Variants in EMCN observed in about 807,000 individuals in gnomAD.
The protein encoded by EMCN is endomucin, also known as MUC-14.
A neutral mutation model predicts 38.4 loss-of-function variants in EMCN; 37 were observed. That is an observed-to-expected ratio of 0.96 (90% confidence interval 0.74 to 1.27). EMCN has a LOEUF of 1.27. Ranked by LOEUF, EMCN falls within the 50% of genes most tolerant of loss-of-function variation. The pLI, the probability that EMCN is intolerant of heterozygous loss-of-function variation, is 0.00. For missense variants in EMCN, 318 were observed against 302.8 expected (o/e 1.05, Z -0.37); for synonymous variants, 95 against 100.8 (o/e 0.94, Z 0.35).
chr4:100,453,732 T>C (rs1190832198), intron 4 of EMCN, among the ~76,000 whole-genome samples: 1 of 152,062 alleles, frequency 6.6e-6, no homozygotes, highest in Admixed American at 6.5e-5. Flanking sequence ...CGTATGTTTA[T>C]TGTGGCACTA....
At chr4:100,448,649 A>G (rs1727745112) in intron 4 of EMCN, among the ~76,000 whole-genome samples, 1 of 151,940 alleles carries the variant, frequency 6.6e-6, no homozygotes, top group Admixed American at 6.6e-5. Context: ...GCTTAGGAAA[A>G]TCTTTTTAAA....
intron 7 of EMCN, 84 bp downstream of exon 7, chr4:100,422,937 A>G (rs1379811854): frequency 1.3e-5 from 18 of 1,359,266 alleles, no homozygotes; most frequent in Non-Finnish European, 1.9e-5. Context: ...AAGGCTGCCC[A>G]TAATCTGATT....
chr4:100,503,903 G>A (rs1729411663), intron 1 of EMCN, among the ~76,000 whole-genome samples: 1 of 152,142 alleles, frequency 6.6e-6, no homozygotes, highest in African/African-American at 2.4e-5. Flanking sequence ...GTTAGTGCAA[G>A]ATATCAAGCA....
chr4:100,503,712 A>G (rs575755028), intron 1 of EMCN, among the ~76,000 whole-genome samples: 179 of 152,214 alleles, frequency 1.2e-3, no homozygotes, highest in African/African-American at 4.1e-3. Flanking sequence ...CTGGGGTGGT[A>G]TGTGCTACCA....
At chr4:100,409,777 G>C (rs539189201) in intron 11 of EMCN, among the ~76,000 whole-genome samples, 4 of 152,310 alleles carry the variant, frequency 2.6e-5, no homozygotes, top group African/African-American at 9.6e-5. Context: ...TATAGAGAGA[G>C]GGCAATTAGA....
At chr4:100,514,759 G>C (rs182024357) in intron 1 of EMCN, among the ~76,000 whole-genome samples, 45 of 152,094 alleles carry the variant, frequency 3.0e-4, no homozygotes, top group African/African-American at 1.1e-3. Flanking sequence ...AGAACCTCTT[G>C]ATTTTCAAGC....
chr4:100,502,699 T>G (rs1045158385), intron 1 of EMCN, among the ~76,000 whole-genome samples: 4 of 152,202 alleles, frequency 2.6e-5, no homozygotes, highest in Admixed American at 2.6e-4. Context: ...TTACTATTAT[T>G]CACGATGATT....
intron 3 of EMCN, chr4:100,473,863 G>T: frequency 6.5e-6 from 1 of 153,038 alleles, no homozygotes; most frequent in South Asian, 1.9e-4. Context: ...TATTCTACAC[G>T]ACAAACCATT....
At chr4:100,434,383 CAAAA>C (rs767318585) in intron 5 of EMCN, among the ~76,000 whole-genome samples, 1 of 70,696 alleles carries the variant, frequency 1.4e-5, no homozygotes, top group Admixed American at 1.9e-4. Context: ...GCCTACCAAG[CAAAA>C]AAAAAAAAAA....
chr4:100,511,459 T>C (rs1729622427), intron 1 of EMCN, among the ~76,000 whole-genome samples: 1 of 152,178 alleles, frequency 6.6e-6, no homozygotes, highest in African/African-American at 2.4e-5. Context: ...ACTGATTCAA[T>C]GGATTTAAAA....
chr4:100,496,540 T>A (rs1365455006), intron 1 of EMCN, among the ~76,000 whole-genome samples: 1 of 152,188 alleles, frequency 6.6e-6, no homozygotes, highest in East Asian at 1.9e-4. Flanking sequence ...CAATTCAATG[T>A]TCCAAAAGAA....
intron 11 of EMCN, among the ~76,000 whole-genome samples, chr4:100,408,552 C>T (rs186941164): frequency 1.3e-5 from 2 of 152,138 alleles, no homozygotes. Flanking sequence ...AACATAATGA[C>T]TGGTAGATAG....
At chr4:100,433,693 A>T (rs931730441) in intron 5 of EMCN, among the ~76,000 whole-genome samples, 14 of 151,970 alleles carry the variant, frequency 9.2e-5, no homozygotes, top group Admixed American at 9.2e-4. Context: ...GTGCCACCAC[A>T]CCTAGCCAAT....
intron 3 of EMCN, among the ~76,000 whole-genome samples, chr4:100,466,991 G>A (rs11097720): frequency 0.39 from 59,222 of 151,916 alleles, 12,390 homozygotes; most frequent in East Asian, 0.78. Context: ...GAGGGAAAGA[G>A]TATATATAGC....
chr4:100,479,461 T>C (rs1274729904), intron 2 of EMCN, among the ~76,000 whole-genome samples: 1 of 152,120 alleles, frequency 6.6e-6, no homozygotes, highest in Non-Finnish European at 1.5e-5. Context: ...TGTCACTCAG[T>C]CCAGCAACAA....
intron 5 of EMCN, 42 bp downstream of exon 5, chr4:100,447,491 C>A (rs754525433): frequency 7.1e-6 from 10 of 1,403,572 alleles, no homozygotes; most frequent in Non-Finnish European, 9.0e-6. Context: ...GAGATTTTAC[C>A]CATGAAAATA....
At chr4:100,423,638 G>T (rs553812693) in intron 5 of EMCN, among the ~76,000 whole-genome samples, 15 of 152,134 alleles carry the variant, frequency 9.9e-5, no homozygotes, top group South Asian at 4.1e-4. Flanking sequence ...TCAGGAACTC[G>T]CCAAGAAAAC....
intron 3 of EMCN, among the ~76,000 whole-genome samples, chr4:100,470,083 A>G (rs1278413090): frequency 5.9e-5 from 9 of 152,106 alleles, no homozygotes; most frequent in African/African-American, 2.2e-4. Flanking sequence ...TAGCAAAAGA[A>G]ACTATCAAAA....
intron 10 of EMCN, among the ~76,000 whole-genome samples, chr4:100,414,960 G>A (rs75521318): frequency 0.084 from 12,841 of 151,992 alleles, 959 homozygotes; most frequent in African/African-American, 0.2. Flanking sequence ...CTGGAGTGCC[G>A]TGGCACGATC....
Sources: gnomAD v4.1 joint callset for allele counts (sites outside exome capture counted in the v4.1 genomes callset) on GRCh38, gnomAD v4.1.1 for gene constraint, MANE v1.5 for transcripts, NCBI Gene and HGNC (gene_info 2026-07-23, HGNC 2026-07-21) for gene names.